RYR3: variants seen among roughly 807,000 people sequenced by gnomAD.
RYR3 encodes ryanodine receptor 3.
RYR3 carries 207 observed loss-of-function variants against 584.3 expected under a neutral mutation model. The ratio of observed to expected loss-of-function variants is 0.35; its 90% CI spans 0.32 to 0.40. The LOEUF (loss-of-function observed/expected upper bound fraction) is 0.40. RYR3 is among the 10% of genes least tolerant of loss of function. The pLI, the probability that RYR3 is intolerant of heterozygous loss-of-function variation, is 1.00. For synonymous variants in RYR3, 2,416 were observed against 2,248.5 expected (o/e 1.07, Z -2.11); for missense variants, 5,616 against 6,089.2 (o/e 0.92, Z 2.59).
chr15:33,764,026 C>T (rs975457629), intron 60 of RYR3, among the ~76,000 whole-genome samples: 3 of 151,524 alleles, frequency 2.0e-5, no homozygotes, highest in African/African-American at 7.3e-5. Flanking sequence ...TGTGGCGATT[C>T]TTCAAGGATC....
At chr15:33,671,973 C>A (rs2063874585) in intron 38 of RYR3, among the ~76,000 whole-genome samples, 1 of 151,998 alleles carries the variant, frequency 6.6e-6, no homozygotes, top group African/African-American at 2.4e-5. Flanking sequence ...GCCACCATGT[C>A]TGGCTAATTT....
chr15:33,747,001 G>A (rs928247524), intron 53 of RYR3, among the ~76,000 whole-genome samples: 1 of 150,954 alleles, frequency 6.6e-6, no homozygotes, highest in Non-Finnish European at 1.5e-5. Flanking sequence ...AGCAGAGACG[G>A]GGTTTCGCCA....
chr15:33,634,557 T>C, intron 24 of RYR3, 29 bp from the exon 25 acceptor site: 1 of 1,613,088 alleles, frequency 6.2e-7, no homozygotes, highest in Non-Finnish European at 8.5e-7. Flanking sequence ...AATGTTTTCT[T>C]GGCACCTTTT....
chr15:33,766,928 A>G, intron 60 of RYR3, among the ~76,000 whole-genome samples: 1 of 152,244 alleles, frequency 6.6e-6, no homozygotes, highest in Non-Finnish European at 1.5e-5. Flanking sequence ...GTTAAATCCC[A>G]GGTTCCATAG....
At chr15:33,726,192 T>C (rs1274168369) in intron 45 of RYR3, among the ~76,000 whole-genome samples, 194 bp from the exon 46 acceptor site, 1 of 152,086 alleles carries the variant, frequency 6.6e-6, no homozygotes, top group Non-Finnish European at 1.5e-5. Context: ...AGTTATTTCA[T>C]CAGTAGCACT....
intron 42 of RYR3, among the ~76,000 whole-genome samples, chr15:33,705,956 C>T (rs2066679429): frequency 1.3e-5 from 2 of 152,176 alleles, no homozygotes; most frequent in South Asian, 4.1e-4. Context: ...TAAATGACAG[C>T]TCCCTCTTGC....
chr15:33,365,953 G>A (rs571889622), intron 1 of RYR3, among the ~76,000 whole-genome samples: 1 of 151,786 alleles, frequency 6.6e-6, no homozygotes, highest in African/African-American at 2.4e-5. Context: ...TAGAAGATTA[G>A]TGTTTCACAT....
intron 65 of RYR3, among the ~76,000 whole-genome samples, chr15:33,781,047 C>T (rs993391085): frequency 6.6e-5 from 10 of 152,130 alleles, no homozygotes; most frequent in East Asian, 1.9e-4. Context: ...AAGTTTGGCC[C>T]GCGAGGCCTA....
intron 1 of RYR3, among the ~76,000 whole-genome samples, chr15:33,327,019 C>T (rs1265495743): frequency 1.5e-5 from 2 of 136,644 alleles, no homozygotes; most frequent in Non-Finnish European, 3.1e-5. Context: ...AAAAAAAAAA[C>T]TCCACTGACA....
Position 33,816,901 on chromosome 15 carries a change from A to G in RYR3, c.10542A>G (p.Arg3514=), listed in dbSNP as rs1478269326. ...ACCTCTTCCTCCATGGCTATCAGAG[A>G]TTTTGGATAGAAACAGAGGAGTATT... is the stretch of plus-strand genomic sequence containing the variant. ...SINLFLHGYQ[R]FWIETEEYSF... The change falls in exon 75 of 104, where the codon AGA becomes AGG. Residue 3514 remains arginine, a synonymous_variant. Coordinates refer to ENST00000634891, the MANE Select transcript of RYR3 (RefSeq NM_001036.6). 1 of 1,612,694 alleles carries G rather than the reference A, an allele frequency of 6.2e-7. No individual in the cohort carries two copies.
intron 38 of RYR3, 122 bp from the exon 39 acceptor site, chr15:33,696,096 A>G (rs1401542037): frequency 6.7e-6 from 6 of 894,832 alleles, no homozygotes; most frequent in Non-Finnish European, 3.4e-6. Context: ...CACATTGCCT[A>G]TAATAAGAAT....
intron 18 of RYR3, among the ~76,000 whole-genome samples, chr15:33,606,577 T>G (rs1216898452): frequency 2.0e-5 from 3 of 152,186 alleles, no homozygotes. Context: ...GCATCAGCTG[T>G]GGGAACATCT....
intron 1 of RYR3, among the ~76,000 whole-genome samples, chr15:33,437,071 A>G (rs903296867): frequency 2.0e-5 from 3 of 151,976 alleles, no homozygotes; most frequent in Admixed American, 6.6e-5. Flanking sequence ...AACTCTGTCA[A>G]TATCAAGATT....
chr15:33,424,105 C>T (rs1384447168), intron 1 of RYR3, among the ~76,000 whole-genome samples: 4 of 152,120 alleles, frequency 2.6e-5, no homozygotes, highest in Non-Finnish European at 4.4e-5. Flanking sequence ...TTTTCTCATT[C>T]CTCCTAAATA....
At chr15:33,448,697 C>T (rs549155101) in intron 1 of RYR3, among the ~76,000 whole-genome samples, 1 of 152,262 alleles carries the variant, frequency 6.6e-6, no homozygotes, top group South Asian at 2.1e-4. Context: ...TATTTCAGTG[C>T]AGTTGGGCTC....
In RYR3 at chr15:33,769,096, AT is replaced by A. The variant is rs767502965; in HGVS notation, c.8756-8del. ...GAGTGGTTTGAGGGAATCACAGATG[AT>A]TTTTTTTATTCCAGGTAGTGATTCT... On this transcript the variant is annotated splice_polypyrimidine_tract_variant and intron_variant, in intron 61 of 103. Coordinates refer to ENST00000634891, the MANE Select transcript of RYR3 (RefSeq NM_001036.6). 14 of 1,601,348 alleles carry A rather than the reference AT, an allele frequency of 8.7e-6. No homozygotes were observed. Among genetic ancestry groups the A allele is most frequent in the African/African-American group, 5.4e-5 (4 of 74,582 alleles).
intron 14 of RYR3, among the ~76,000 whole-genome samples, chr15:33,583,763 A>G (rs1318188722): frequency 6.6e-6 from 1 of 152,154 alleles, no homozygotes; most frequent in Admixed American, 6.5e-5. Context: ...TCAATAAAAA[A>G]TATTTACGCC....
intron 97 of RYR3, 64 bp downstream of exon 97, chr15:33,854,513 A>G (rs914443535): frequency 1.8e-5 from 24 of 1,360,700 alleles, no homozygotes; most frequent in African/African-American, 5.9e-5. Flanking sequence ...CAGAGAAGCA[A>G]GCTATGCAGG....
chr15:33,532,129 C>A (rs961094872), intron 4 of RYR3, among the ~76,000 whole-genome samples: 1 of 152,146 alleles, frequency 6.6e-6, no homozygotes, highest in Non-Finnish European at 1.5e-5. Flanking sequence ...TTTCCATCTT[C>A]CTCTCGCAGA....
Sources: gnomAD v4.1 joint callset for allele counts (sites outside exome capture counted in the v4.1 genomes callset) on GRCh38, gnomAD v4.1.1 for gene constraint, MANE v1.5 for transcripts, NCBI Gene and HGNC (gene_info 2026-07-23, HGNC 2026-07-21) for gene names.